The following MAP7 variants were observed in gnomAD, a reference collection of about 807,000 sequenced individuals.
MAP7 encodes microtubule associated protein 7.
A neutral mutation model predicts 94.8 loss-of-function variants in MAP7; 52 were observed. The observed-to-expected ratio is 0.55, with a 90% CI of 0.44 to 0.69. The LOEUF (loss-of-function observed/expected upper bound fraction) is 0.69. MAP7 is among the 30% of genes least tolerant of loss of function. The pLI, the probability that MAP7 is intolerant of heterozygous loss-of-function variation, is 0.00. For synonymous variants in MAP7, 350 were observed against 357.0 expected (o/e 0.98, Z 0.22); for missense variants, 940 against 964.6 (o/e 0.97, Z 0.34).
At chr6:136,459,850 A>T (rs1217870568) in intron 1 of MAP7, among the ~76,000 whole-genome samples, 1 of 152,124 alleles carries the variant, frequency 6.6e-6, no homozygotes, top group East Asian at 1.9e-4. Flanking sequence ...ATGGTTAATG[A>T]TCCTGTATCG....
At chr6:136,428,503 G>A (rs758820281) in intron 1 of MAP7, among the ~76,000 whole-genome samples, 5 of 152,006 alleles carry the variant, frequency 3.3e-5, no homozygotes, top group Non-Finnish European at 7.3e-5. Flanking sequence ...CTGGGTGACA[G>A]AGCAAGACTC....
intron 6 of MAP7, among the ~76,000 whole-genome samples, chr6:136,381,988 T>G (rs2128635343): frequency 6.7e-6 from 1 of 148,414 alleles, no homozygotes; most frequent in East Asian, 2.0e-4. Flanking sequence ...AGGTGAGAAC[T>G]GAGGATGCAG....
intron 1 of MAP7, among the ~76,000 whole-genome samples, chr6:136,496,453 C>A (rs1818256620): frequency 6.6e-6 from 1 of 151,186 alleles, no homozygotes; most frequent in Non-Finnish European, 1.5e-5. Context: ...TGTCATGTTT[C>A]TCTGGTTCTC....
At chr6:136,351,821 A>G (rs547841594) in intron 16 of MAP7, among the ~76,000 whole-genome samples, 1 of 152,296 alleles carries the variant, frequency 6.6e-6, no homozygotes, top group African/African-American at 2.4e-5. Flanking sequence ...CTGGAGAGAC[A>G]CTGCAGCAGA....
At position 136,366,500 on chromosome 6, in the gene MAP7, T is replaced by C. The variant is rs557832505; in HGVS notation, c.877-61A>G. 130 of 1,099,808 alleles carry C rather than the reference T, an allele frequency of 1.2e-4. No individual in the cohort carries two copies. In the African/African-American group the frequency reaches 1.8e-3, roughly 15 times the overall value. The allele number at this position is 1,099,808 out of a possible 1,614,324, so 68.1% of individuals were successfully genotyped here. On this transcript the variant is annotated intron_variant, in intron 8 of 17. Coordinates refer to ENST00000354570, the MANE Select transcript of MAP7 (RefSeq NM_003980.6). ...ACAAGCGAGGCAAACACACTCACAATACTCAACAGTGGAGCTAGAAACCAT... is the reference window on the plus strand; with the variant it reads ...ACAAGCGAGGCAAACACACTCACAACACTCAACAGTGGAGCTAGAAACCAT...
intron 1 of MAP7, chr6:136,526,455 G>C (rs994135339): frequency 1.0e-6 from 1 of 986,168 alleles, no homozygotes; most frequent in South Asian, 4.7e-5. Flanking sequence ...CCACAGCAGA[G>C]AGGGGAAAAT....
chr6:136,348,770 G>T (rs1030286919), intron 16 of MAP7, among the ~76,000 whole-genome samples: 5 of 152,042 alleles, frequency 3.3e-5, no homozygotes, highest in African/African-American at 1.2e-4. Context: ...TTTTCCTTCA[G>T]GCCAAACTAA....
At chr6:136,448,415 AT>A (rs755365926) in intron 1 of MAP7, among the ~76,000 whole-genome samples, 535 of 141,154 alleles carry the variant, frequency 3.8e-3, no homozygotes, top group Middle Eastern at 7.4e-3. Context: ...AATGACTACG[AT>A]TTTTTTTTTT....
intron 1 of MAP7, among the ~76,000 whole-genome samples, chr6:136,425,115 C>G (rs1054729356): frequency 3.9e-5 from 6 of 152,184 alleles, no homozygotes; most frequent in Non-Finnish European, 8.8e-5. Context: ...TGTGGATCCA[C>G]TGGACAAAGG....
At chr6:136,419,790 G>A in intron 2 of MAP7, 1 of 259,574 alleles carries the variant, frequency 3.9e-6, no homozygotes, top group Non-Finnish European at 7.5e-6. Flanking sequence ...TTTTATTAAA[G>A]TTTTCACCAT....
intron 1 of MAP7, among the ~76,000 whole-genome samples, chr6:136,433,325 T>C (rs1795486772): frequency 6.6e-6 from 1 of 152,246 alleles, no homozygotes; most frequent in African/African-American, 2.4e-5. Context: ...CATCTTCTCA[T>C]AAGTGCTCTA....
At chr6:136,396,073 T>C (rs1275559073) in intron 3 of MAP7, among the ~76,000 whole-genome samples, 1 of 150,440 alleles carries the variant, frequency 6.6e-6, no homozygotes, top group Non-Finnish European at 1.5e-5. Flanking sequence ...CACATAAAGA[T>C]TTTTTTTTTC....
chr6:136,403,137 G>A (rs987227507), intron 3 of MAP7, among the ~76,000 whole-genome samples: 11 of 151,990 alleles, frequency 7.2e-5, no homozygotes, highest in African/African-American at 2.7e-4. Context: ...GTCCTACTTA[G>A]CCCCACCCTA....
chr6:136,451,917 C>T (rs2128883210), intron 1 of MAP7, among the ~76,000 whole-genome samples: 1 of 152,274 alleles, frequency 6.6e-6, no homozygotes, highest in African/African-American at 2.4e-5. Flanking sequence ...GTGAATGGGG[C>T]CAGGTGCAGT....
intron 1 of MAP7, among the ~76,000 whole-genome samples, chr6:136,514,720 C>T (rs950197753): frequency 2.0e-5 from 3 of 151,858 alleles, no homozygotes; most frequent in Admixed American, 6.6e-5. Flanking sequence ...GTCTCAATAG[C>T]GGGCTTAAAA....
chr6:136,448,713 T>A (rs1484907141), intron 1 of MAP7, among the ~76,000 whole-genome samples: 2 of 151,954 alleles, frequency 1.3e-5, no homozygotes, highest in African/African-American at 4.8e-5. Context: ...TGCCTAGCAA[T>A]GCCTATGAAT....
intron 1 of MAP7, among the ~76,000 whole-genome samples, chr6:136,508,644 A>G (rs1822307197): frequency 1.3e-5 from 2 of 152,210 alleles, no homozygotes; most frequent in African/African-American, 2.4e-5. Context: ...CAGGGTCCCA[A>G]TAAAAGAAAA....
At chr6:136,369,736 C>T (rs1795142733) in intron 8 of MAP7, among the ~76,000 whole-genome samples, 1 of 152,178 alleles carries the variant, frequency 6.6e-6, no homozygotes, top group Admixed American at 6.5e-5. Flanking sequence ...TGAAGTTGGA[C>T]TCTTACCTTC....
chr6:136,478,979 CAAA>C (rs59319740), intron 1 of MAP7, among the ~76,000 whole-genome samples: 2 of 45,566 alleles, frequency 4.4e-5, no homozygotes, highest in Non-Finnish European at 6.3e-5. Context: ...ACAGACACAT[CAAA>C]AAAAAAAAAA....
Sources: allele counts gnomAD v4.1 joint callset (sites outside exome capture counted in the v4.1 genomes callset), GRCh38; gene constraint gnomAD v4.1.1; transcripts MANE v1.5; gene names NCBI Gene and HGNC (gene_info 2026-07-23, HGNC 2026-07-21).